The following PKP2 variants were observed in gnomAD, a reference collection of about 807,000 sequenced individuals.
PKP2 encodes plakophilin-2.
Under a neutral mutation model 83.4 loss-of-function variants are expected in PKP2, and 73 were observed. The ratio of observed to expected loss-of-function variants is 0.88; its 90% CI spans 0.72 to 1.06. The LOEUF (loss-of-function observed/expected upper bound fraction) is 1.06. Among genes scored for constraint, PKP2 ranks in the 50% least tolerant of loss-of-function variants. PKP2 has a pLI of 0.00. For missense variants in PKP2, 966 were observed against 1,065.4 expected, an observed-to-expected ratio of 0.91 and a Z score of 1.30; for synonymous variants, 409 against 430.4, an observed-to-expected ratio of 0.95 and a Z score of 0.62.
At chr12:32,805,933 G>A (rs546755081) in intron 9 of PKP2, among the ~76,000 whole-genome samples, 35 of 152,232 alleles carry the variant, frequency 2.3e-4, no homozygotes, top group Admixed American at 5.9e-4. Context: ...AAGCGATGTC[G>A]AATTTTATCA....
intron 1 of PKP2, among the ~76,000 whole-genome samples, chr12:32,881,423 A>T (rs2389116): frequency 0.79 from 119,121 of 151,544 alleles, 47,501 homozygotes; most frequent in Middle Eastern, 0.87. Context: ...AAGAAAAAAA[A>T]TTTTTTTCTA....
At chr12:32,827,298 C>T (rs1385711740) in intron 6 of PKP2, among the ~76,000 whole-genome samples, 1 of 152,170 alleles carries the variant, frequency 6.6e-6, no homozygotes, top group Non-Finnish European at 1.5e-5. Context: ...GATACTTTTG[C>T]TGACAGAAAG....
intron 5 of PKP2, among the ~76,000 whole-genome samples, chr12:32,846,675 G>A (rs1035307387): frequency 6.6e-6 from 1 of 150,406 alleles, no homozygotes; most frequent in Admixed American, 6.6e-5. Flanking sequence ...AATCTGGGAG[G>A]CAGAGGTTGC....
At chr12:32,822,438 C>G (rs776223131) in intron 8 of PKP2, 29 bp downstream of exon 8, 1 of 1,591,030 alleles carries the variant, frequency 6.3e-7, no homozygotes, top group African/African-American at 1.3e-5. Context: ...CTCTCCCTTT[C>G]TCATTCTTTC....
At chr12:32,851,223 G>A (rs780504875) in intron 4 of PKP2, among the ~76,000 whole-genome samples, 14 of 152,152 alleles carry the variant, frequency 9.2e-5, no homozygotes, top group Non-Finnish European at 1.8e-4. Flanking sequence ...GGAAGATTAA[G>A]TGATAAAGGG....
At chr12:32,843,102 C>T in intron 5 of PKP2, 1 of 387,162 alleles carries the variant, frequency 2.6e-6, no homozygotes, top group South Asian at 1.9e-5. Flanking sequence ...GCCTCAGTCT[C>T]CTGAGTAGCT....
intron 4 of PKP2, among the ~76,000 whole-genome samples, chr12:32,856,656 G>A (rs905586995): frequency 6.6e-6 from 1 of 151,888 alleles, no homozygotes; most frequent in African/African-American, 2.4e-5. Flanking sequence ...TAATGTAAAT[G>A]ACGAGTTAAT....
At chr12:32,870,778 T>C (rs572976750) in intron 3 of PKP2, among the ~76,000 whole-genome samples, 2 of 152,242 alleles carry the variant, frequency 1.3e-5, no homozygotes, top group African/African-American at 4.8e-5. Flanking sequence ...GCAGCTTTTT[T>C]TTTAAAAAAA....
At chr12:32,833,286 T>G (rs1458814699) in intron 6 of PKP2, among the ~76,000 whole-genome samples, 1 of 151,972 alleles carries the variant, frequency 6.6e-6, no homozygotes, top group African/African-American at 2.4e-5. Flanking sequence ...GAAAAGAAAA[T>G]GCATAATCAT....
intron 5 of PKP2, among the ~76,000 whole-genome samples, chr12:32,846,156 G>A (rs186272650): frequency 3.0e-4 from 45 of 152,266 alleles, no homozygotes; most frequent in African/African-American, 9.6e-4. Flanking sequence ...AACCCCTGCT[G>A]CACTCTTATC....
rs574559982 is a variant in PKP2 at position 32,892,818 on chromosome 12, CGGG to C, written c.223+3688_223+3690del. Among the ~76,000 whole-genome samples the C allele has an allele frequency of 8.5e-4, 17 of 20,100 alleles. 3 individuals are homozygous for C. Among genetic ancestry groups the C allele is most frequent in the Middle Eastern group, 0.025 (1 of 40 alleles). The allele number at this position is 20,100 out of a possible 152,430, so 13.2% of individuals were successfully genotyped here. A position where few individuals can be genotyped will look rare whatever the true frequency, so the allele number is the denominator to read the frequency against. On this transcript the variant is annotated intron_variant, in intron 1 of 12. Transcript: ENST00000340811. ...TCCACTCAGATACCTGGGGTGGGGG[CGGG>C]GGGGGGGGGAGAACTGTGTAGCAAG...
At chr12:32,822,045 T>C (rs1397633484) in intron 8 of PKP2, among the ~76,000 whole-genome samples, 3 of 152,232 alleles carry the variant, frequency 2.0e-5, no homozygotes, top group African/African-American at 7.2e-5. Context: ...GAGGTTTGCT[T>C]TTAGTATGTC....
chr12:32,855,902 C>A (rs1956743405), intron 4 of PKP2, among the ~76,000 whole-genome samples: 1 of 151,512 alleles, frequency 6.6e-6, no homozygotes, highest in African/African-American at 2.4e-5. Context: ...TAGGATCTGC[C>A]ATTTTCTATG....
intron 4 of PKP2, 45 bp downstream of exon 4, chr12:32,868,882 G>A (rs1212651040): frequency 3.1e-6 from 5 of 1,596,768 alleles, no homozygotes; most frequent in African/African-American, 2.7e-5. Flanking sequence ...CATAATAGAA[G>A]TGAAAGTGTG....
At position 32,792,742 on chromosome 12, in the gene PKP2, A is replaced by G; in HGVS notation, c.2358-11T>C. The stretch of plus-strand genomic sequence containing the variant: ...TTGTTGGAGGCATAGCTGAAAAGAA[A>G]AGGACATTCTGAGATCAGGGAGAAT... On this transcript the variant is annotated splice_polypyrimidine_tract_variant and intron_variant, in intron 11 of 12. Transcript: ENST00000340811. The G allele has an allele frequency of 6.2e-7, 1 of 1,610,736 alleles. No individual in the cohort carries two copies. Among genetic ancestry groups the G allele is most frequent in the Non-Finnish European group, 8.5e-7 (1 of 1,176,930 alleles).
intron 5 of PKP2, among the ~76,000 whole-genome samples, chr12:32,846,972 C>G (rs1397252033): frequency 6.6e-6 from 1 of 152,012 alleles, no homozygotes; most frequent in African/African-American, 2.4e-5. Context: ...TTACTTAACC[C>G]CTCTGAGTCT....
chr12:32,872,191 T>C (rs940708421), intron 3 of PKP2, among the ~76,000 whole-genome samples: 3 of 152,150 alleles, frequency 2.0e-5, no homozygotes, highest in African/African-American at 4.8e-5. Context: ...GAAAGCAGTG[T>C]AAACTACCAC....
intron 4 of PKP2, among the ~76,000 whole-genome samples, chr12:32,856,741 T>C (rs954122575): frequency 2.6e-5 from 4 of 151,716 alleles, no homozygotes; most frequent in African/African-American, 7.3e-5. Context: ...ACCCTAGAAC[T>C]TAAAGTATAA....
rs749926313 is a variant in PKP2, at chr12:32,841,169, T to G, written c.1415A>C (p.Lys472Thr). ...CAATGCTTCTGTTATCATGAGATTC[T>G]TGAGTTTGTCATTAGATGACAAATT... ...LWNLSSNDKL[K>T]NLMITEALLT... The change falls in exon 6 of 13, where the codon AAG (lysine) becomes ACG (threonine). Residue 472 changes from lysine (K) to threonine (T), a missense_variant. By Grantham distance (78) the Lys-to-Thr change is moderately conservative. Transcript: ENST00000340811. The G allele has an allele frequency of 1.9e-6, 3 of 1,613,828 alleles. No homozygotes were observed. In the South Asian group the frequency reaches 3.3e-5, roughly 18 times the overall value.
Sources: allele counts gnomAD v4.1 joint callset (sites outside exome capture counted in the v4.1 genomes callset), GRCh38; gene constraint gnomAD v4.1.1; transcripts MANE v1.5; gene names NCBI Gene and HGNC (gene_info 2026-07-23, HGNC 2026-07-21).